The following CNBD1 variants were observed in gnomAD, a reference collection of about 807,000 sequenced individuals.
CNBD1 encodes cyclic nucleotide-binding domain-containing protein 1.
In CNBD1, 71 loss-of-function variants were observed where a neutral mutation model predicts 54.4. That is an observed-to-expected ratio of 1.30 (90% CI 1.08 to 1.59). The LOEUF is 1.59. Ranked by LOEUF, CNBD1 falls within the 40% of genes most tolerant of loss-of-function variation. The pLI is 0.00. For synonymous variants in CNBD1, 182 were observed against 170.7 expected (o/e 1.07, Z -0.51); for missense variants, 659 against 518.0 (o/e 1.27, Z -2.64).
intron 3 of CNBD1, among the ~76,000 whole-genome samples, chr8:86,907,139 A>G (rs919840639): frequency 1.3e-5 from 2 of 152,190 alleles, no homozygotes; most frequent in Non-Finnish European, 1.5e-5. Flanking sequence ...ACATCATGTA[A>G]TAGGTCTGGG....
chr8:86,977,547 AC>A (rs1808370304), intron 4 of CNBD1, among the ~76,000 whole-genome samples: 1 of 152,152 alleles, frequency 6.6e-6, no homozygotes, highest in African/African-American at 2.4e-5. Context: ...AGGAGACATT[AC>A]AACTGCTAAC....
chr8:87,275,208 G>A (rs1461580951), intron 6 of CNBD1, among the ~76,000 whole-genome samples: 2 of 141,866 alleles, frequency 1.4e-5, no homozygotes, highest in Non-Finnish European at 3.1e-5. Context: ...CTGGTAGTGT[G>A]ATGCCTCCAG....
intron 8 of CNBD1, among the ~76,000 whole-genome samples, chr8:87,345,676 A>G (rs1810160588): frequency 6.6e-6 from 1 of 152,198 alleles, no homozygotes; most frequent in South Asian, 2.1e-4. Flanking sequence ...AAACTGAACT[A>G]AGCAAGAAAA....
intron 8 of CNBD1, among the ~76,000 whole-genome samples, chr8:87,336,984 T>G (rs1258708341): frequency 6.6e-6 from 1 of 152,022 alleles, no homozygotes; most frequent in African/African-American, 2.4e-5. Flanking sequence ...TTGCTGGGGG[T>G]TCACTTCAGG....
chr8:87,359,493 A>G (rs1810487528), intron 10 of CNBD1, among the ~76,000 whole-genome samples: 1 of 152,190 alleles, frequency 6.6e-6, no homozygotes, highest in Non-Finnish European at 1.5e-5. Context: ...AATATTTCAT[A>G]TTCTATTCCA....
At chr8:87,111,522 C>G (rs1158363098) in intron 4 of CNBD1, among the ~76,000 whole-genome samples, 1 of 152,118 alleles carries the variant, frequency 6.6e-6, no homozygotes, top group Non-Finnish European at 1.5e-5. Context: ...TCTGTATGTA[C>G]CTGCCAGGGA....
intron 1 of CNBD1, among the ~76,000 whole-genome samples, chr8:86,877,210 T>C (rs1808533366): frequency 6.6e-6 from 1 of 152,142 alleles, no homozygotes. Context: ...TGTACAGATA[T>C]ATATTACATT....
At chr8:87,278,372 C>T (rs556725999) in intron 6 of CNBD1, among the ~76,000 whole-genome samples, 1 of 151,492 alleles carries the variant, frequency 6.6e-6, no homozygotes, top group South Asian at 2.1e-4. Flanking sequence ...ACAACCACAA[C>T]TAGACACATT....
At chr8:87,364,176 G>A (rs950507988) in intron 10 of CNBD1, among the ~76,000 whole-genome samples, 39 of 151,262 alleles carry the variant, frequency 2.6e-4, no homozygotes, top group Admixed American at 5.9e-4. Flanking sequence ...ATTTTTACTT[G>A]GAGAGATTAT....
chr8:86,989,453 AT>A (rs1563849471), intron 4 of CNBD1, among the ~76,000 whole-genome samples: 2 of 152,020 alleles, frequency 1.3e-5, no homozygotes, highest in African/African-American at 4.8e-5. Flanking sequence ...ATTTTATTTT[AT>A]TTTTTAATTT....
chr8:86,904,941 T>C (rs142440755), intron 2 of CNBD1, 140 bp from the exon 3 acceptor site: 20 of 401,030 alleles, frequency 5.0e-5, no homozygotes, highest in African/African-American at 3.3e-4. Context: ...AAGCACAAAA[T>C]ATTTATATTT....
At chr8:87,057,208 A>C (rs1351592122) in intron 4 of CNBD1, among the ~76,000 whole-genome samples, 2 of 152,164 alleles carry the variant, frequency 1.3e-5, no homozygotes, top group Non-Finnish European at 2.9e-5. Flanking sequence ...AAAGAGGTTT[A>C]ATTGACTCAC....
intron 10 of CNBD1, among the ~76,000 whole-genome samples, chr8:87,371,048 C>A (rs1276460741): frequency 1.3e-5 from 2 of 150,308 alleles, no homozygotes; most frequent in South Asian, 2.1e-4. Context: ...AGATATGCGG[C>A]GTTATTTCTG....
In CNBD1 at chr8:87,166,229, C is replaced by T. The variant is rs1395773086; in HGVS notation, c.432-39764C>T. ...AAACCTAAGCATCATACTTGATGCT[C>T]ATACATTCTGTCCCTTTTACACCAC... On this transcript the variant is annotated intron_variant, in intron 4 of 10. Transcript: ENST00000518476. The surrounding 1 kb of genome is among the most constrained non-coding windows in gnomAD (Gnocchi z 4.3). Among the ~76,000 whole-genome samples, 1 of 151,924 alleles carries T rather than the reference C, an allele frequency of 6.6e-6. No individual in the cohort carries two copies. Among genetic ancestry groups the T allele is most frequent in the African/African-American group, 2.4e-5 (1 of 41,418 alleles).
intron 6 of CNBD1, among the ~76,000 whole-genome samples, chr8:87,256,049 G>T (rs763000410): frequency 3.3e-4 from 30 of 90,074 alleles, no homozygotes; most frequent in African/African-American, 1.3e-3. Flanking sequence ...TTGAGACAGG[G>T]TCTCACTCTG....
intron 10 of CNBD1, among the ~76,000 whole-genome samples, chr8:87,367,188 T>A (rs2130943231): frequency 6.6e-6 from 1 of 152,180 alleles, no homozygotes; most frequent in South Asian, 2.1e-4. Flanking sequence ...CTGACAAACT[T>A]TGAGAGGGCA....
chr8:86,870,205 C>G (rs866377654), intron 1 of CNBD1, among the ~76,000 whole-genome samples: 2 of 21,632 alleles, frequency 9.2e-5, no homozygotes, highest in South Asian at 1.6e-3. Flanking sequence ...TTTTTTTTTT[C>G]TGAGACGGAA....
intron 6 of CNBD1, among the ~76,000 whole-genome samples, chr8:87,277,641 CA>C (rs954412930): frequency 6.6e-6 from 1 of 151,640 alleles, no homozygotes; most frequent in Admixed American, 6.6e-5. Context: ...GTCAGTCTAT[CA>C]GTTGAAACCC....
In CNBD1 at chr8:87,236,629, A is replaced by C. The variant is rs76805364; in HGVS notation, c.578-290A>C. Among the ~76,000 whole-genome samples, 857 of 152,220 alleles carry C rather than the reference A, an allele frequency of 5.6e-3. 6 individuals carry two copies. Among genetic ancestry groups the C allele is most frequent in the African/African-American group, 0.019 (786 of 41,558 alleles). ...TTTCTCACAATGTCTCAAATCTATT[A>C]ATAATTATATGTAACCATGTTTTCT... On this transcript the variant is annotated intron_variant, in intron 5 of 10. Transcript: ENST00000518476.
Sources: gnomAD v4.1 joint callset for allele counts (sites outside exome capture counted in the v4.1 genomes callset) on GRCh38, gnomAD v4.1.1 for gene constraint, Gnocchi (gnomAD v3.1) non-coding constraint, MANE v1.5 for transcripts, NCBI Gene and HGNC (gene_info 2026-07-23, HGNC 2026-07-21) for gene names.